Variants in SLC14A2 observed in about 807,000 individuals in gnomAD.
SLC14A2 encodes solute carrier family 14 member 2.
SLC14A2 carries 91 observed loss-of-function variants against 104.6 expected under a neutral mutation model. That is an observed-to-expected ratio of 0.87 (90% CI 0.73 to 1.04). SLC14A2 has a LOEUF of 1.04. Ranked by LOEUF, SLC14A2 falls within the 50% of genes least tolerant of loss-of-function variation. The pLI, the probability that SLC14A2 is intolerant of heterozygous loss-of-function variation, is 0.00. For missense variants in SLC14A2, 1,189 were observed against 1,156.0 expected, an observed-to-expected ratio of 1.03 and a Z score of -0.41; for synonymous variants, 476 against 466.4, an observed-to-expected ratio of 1.02 and a Z score of -0.27.
At chr18:45,191,674 A>G in the SLC14A2 span, among the ~76,000 whole-genome samples, 1 of 151,958 alleles carries the variant, frequency 6.6e-6, no homozygotes, top group Non-Finnish European at 1.5e-5. Context: ...CTCCAAATAA[A>G]CCTGCCCTTT....
At chr18:45,183,906 ATTTTTT>A in the SLC14A2 span, among the ~76,000 whole-genome samples, 101 of 62,716 alleles carry the variant, frequency 1.6e-3, no homozygotes, top group African/African-American at 5.3e-3. Context: ...TAATTTTCTA[ATTTTTT>A]TTTTTTTTTT....
At chr18:45,673,088 C>T (rs1483713472) in intron 17 of SLC14A2, 41 bp downstream of exon 17, 3 of 1,590,908 alleles carry the variant, frequency 1.9e-6, no homozygotes, top group Non-Finnish European at 2.6e-6. Flanking sequence ...GGGGTTAGAG[C>T]CTGGGGCCAG....
chr18:45,328,149 C>T (rs1444388618), intron 1 of SLC14A2, among the ~76,000 whole-genome samples: 2 of 152,190 alleles, frequency 1.3e-5, no homozygotes, highest in African/African-American at 2.4e-5. Flanking sequence ...GTTCCCTCTC[C>T]TCCTCATGCT....
chr18:45,473,429 T>A (rs577718635), intron 1 of SLC14A2, among the ~76,000 whole-genome samples: 1 of 152,380 alleles, frequency 6.6e-6, no homozygotes, highest in Non-Finnish European at 1.5e-5. Flanking sequence ...CAATGGTAGC[T>A]TGATGGGGAT....
intron 1 of SLC14A2, among the ~76,000 whole-genome samples, chr18:45,300,044 G>A (rs2084953348): frequency 6.6e-6 from 1 of 152,072 alleles, no homozygotes; most frequent in Non-Finnish European, 1.5e-5. Context: ...CAGACATCTT[G>A]ATCAGACATC....
chr18:45,536,332 C>G (rs1166351763), intron 2 of SLC14A2, among the ~76,000 whole-genome samples: 6 of 152,218 alleles, frequency 3.9e-5, no homozygotes, highest in African/African-American at 1.4e-4. Flanking sequence ...CTTAAAACAA[C>G]AGAAATTTAT....
chr18:45,429,779 C>T (rs1006874238), intron 1 of SLC14A2, among the ~76,000 whole-genome samples: 1 of 152,152 alleles, frequency 6.6e-6, no homozygotes, highest in Admixed American at 6.5e-5. Context: ...TTCTGTGACT[C>T]CCCTGGGGTG....
At chr18:45,649,271 A>G (rs2055382117) in intron 10 of SLC14A2, among the ~76,000 whole-genome samples, 1 of 152,236 alleles carries the variant, frequency 6.6e-6, no homozygotes, top group South Asian at 2.1e-4. Flanking sequence ...CATTTCTCCA[A>G]TGATCTTTCC....
intron 12 of SLC14A2, 83 bp downstream of exon 12, chr18:45,666,302 C>A: frequency 1.1e-6 from 1 of 904,652 alleles, no homozygotes; most frequent in Admixed American, 2.1e-5. Flanking sequence ...GAGCTGTAAA[C>A]AAGGTTCTCC....
chr18:45,447,493 A>G (rs2086789702), intron 1 of SLC14A2: 1 of 152,240 alleles, frequency 6.6e-6, no homozygotes, highest in Non-Finnish European at 1.5e-5. Context: ...TTATGACTCC[A>G]ATCTCAAGGG....
chr18:45,373,328 G>A (rs2085742071), intron 1 of SLC14A2, among the ~76,000 whole-genome samples: 1 of 152,076 alleles, frequency 6.6e-6, no homozygotes, highest in African/African-American at 2.4e-5. Context: ...TTGCTGCATT[G>A]GGTGATGTTA....
At chr18:45,264,087 A>C (rs186429821) in intron 1 of SLC14A2, among the ~76,000 whole-genome samples, 2 of 152,286 alleles carry the variant, frequency 1.3e-5, no homozygotes, top group African/African-American at 4.8e-5. Context: ...TTAGAATCAA[A>C]GGTGTCATTA....
At chr18:45,349,170 C>G (rs2085478349) in intron 1 of SLC14A2, among the ~76,000 whole-genome samples, 1 of 152,170 alleles carries the variant, frequency 6.6e-6, no homozygotes, top group Non-Finnish European at 1.5e-5. Context: ...CATTTGGATA[C>G]AGCAGATCAT....
intron 9 of SLC14A2, 53 bp from the exon 10 acceptor site, chr18:45,643,933 C>A: frequency 1.3e-6 from 2 of 1,540,774 alleles, no homozygotes; most frequent in Non-Finnish European, 1.8e-6. Context: ...GAGTCCCCAG[C>A]CCAACACAGG....
At chr18:45,414,268 T>A (rs184238244) in intron 1 of SLC14A2, among the ~76,000 whole-genome samples, 1 of 152,334 alleles carries the variant, frequency 6.6e-6, no homozygotes, top group Admixed American at 6.5e-5. Flanking sequence ...ATTGCTGGAC[T>A]GAGCTGAGGT....
At chr18:45,585,269 T>A (rs1402397004) in intron 2 of SLC14A2, among the ~76,000 whole-genome samples, 1 of 152,176 alleles carries the variant, frequency 6.6e-6, no homozygotes, top group Non-Finnish European at 1.5e-5. Context: ...AAATTGTAAC[T>A]CCGTCCCCTA....
At chr18:45,518,829 G>A (rs2043477488) in intron 2 of SLC14A2, among the ~76,000 whole-genome samples, 1 of 152,202 alleles carries the variant, frequency 6.6e-6, no homozygotes. Context: ...GGCCACCTTA[G>A]CTCCTTCTCC....
intron 1 of SLC14A2, among the ~76,000 whole-genome samples, chr18:45,476,322 G>C (rs1483542192): frequency 2.6e-5 from 4 of 152,180 alleles, no homozygotes; most frequent in Non-Finnish European, 4.4e-5. Context: ...CTCTCTTCTG[G>C]TTTGTAAGGT....
intron 2 of SLC14A2, among the ~76,000 whole-genome samples, chr18:45,495,982 C>T (rs1390371300): frequency 6.6e-6 from 1 of 152,208 alleles, no homozygotes; most frequent in Non-Finnish European, 1.5e-5. Context: ...GAGCAAAGGC[C>T]TCATGAAGCT....
Sources: allele counts gnomAD v4.1 joint callset (sites outside exome capture counted in the v4.1 genomes callset), GRCh38; gene constraint gnomAD v4.1.1; transcripts MANE v1.5; gene names NCBI Gene and HGNC (gene_info 2026-07-23, HGNC 2026-07-21).